Variants in SNTG2 observed in about 807,000 individuals in gnomAD.
SNTG2 encodes syntrophin gamma 2.
In SNTG2, 74 loss-of-function variants were observed where a neutral mutation model predicts 70.9. The observed-to-expected ratio is 1.04, with a 90% CI of 0.86 to 1.27. The LOEUF is 1.27. SNTG2 is among the 50% of genes most tolerant of loss of function. The pLI, the probability that SNTG2 is intolerant of heterozygous loss-of-function variation, is 0.00. For synonymous variants in SNTG2, 278 were observed against 273.8 expected, an observed-to-expected ratio of 1.02 and a Z score of -0.15; for missense variants, 717 against 690.7, an observed-to-expected ratio of 1.04 and a Z score of -0.43.
At chr2:1,138,760 C>T (rs982790888) in intron 6 of SNTG2, among the ~76,000 whole-genome samples, 11 of 152,092 alleles carry the variant, frequency 7.2e-5, no homozygotes, top group Non-Finnish European at 1.5e-4. Context: ...ACTTGTCCCA[C>T]GAAGATTAAT....
chr2:1,023,326 T>C (rs952399596), intron 1 of SNTG2, among the ~76,000 whole-genome samples: 9 of 152,008 alleles, frequency 5.9e-5, no homozygotes, highest in African/African-American at 1.7e-4. Flanking sequence ...GGCTCCAAGA[T>C]TGTGTTTTCT....
intron 4 of SNTG2, among the ~76,000 whole-genome samples, chr2:1,137,119 A>G (rs1001651452): frequency 6.6e-6 from 1 of 152,188 alleles, no homozygotes; most frequent in South Asian, 2.1e-4. Flanking sequence ...TTTCCTTATG[A>G]AGAGGCCAAT....
At chr2:1,340,609 T>C (rs1387274726) in intron 16 of SNTG2, among the ~76,000 whole-genome samples, 1 of 152,238 alleles carries the variant, frequency 6.6e-6, no homozygotes, top group Non-Finnish European at 1.5e-5. Flanking sequence ...GTGCATATGT[T>C]CACAAAAGTG....
At chr2:1,087,315 T>C (rs1664747863) in intron 2 of SNTG2, among the ~76,000 whole-genome samples, 1 of 152,206 alleles carries the variant, frequency 6.6e-6, no homozygotes, top group Non-Finnish European at 1.5e-5. Context: ...GAAGAGTTCG[T>C]GTAGCATGGC....
chr2:979,413 CG>C, intron 1 of SNTG2, among the ~76,000 whole-genome samples: 1 of 152,298 alleles, frequency 6.6e-6, no homozygotes, highest in Admixed American at 6.5e-5. Context: ...TAGGCATCCC[CG>C]GAAGGCAGGG....
chr2:1,192,780 A>T (rs1415769721), intron 8 of SNTG2, among the ~76,000 whole-genome samples: 1 of 152,128 alleles, frequency 6.6e-6, no homozygotes, highest in Non-Finnish European at 1.5e-5. Flanking sequence ...ACCAGCAAAA[A>T]TTGCATTTCA....
At chr2:1,309,841 C>T (rs995078190) in intron 15 of SNTG2, among the ~76,000 whole-genome samples, 1 of 152,238 alleles carries the variant, frequency 6.6e-6, no homozygotes, top group African/African-American at 2.4e-5. Flanking sequence ...ACCCTAAAGT[C>T]ACAGAGTGGG....
intron 4 of SNTG2, among the ~76,000 whole-genome samples, chr2:1,101,186 T>C (rs1665758796): frequency 6.6e-6 from 1 of 152,186 alleles, no homozygotes; most frequent in African/African-American, 2.4e-5. Flanking sequence ...CTCCTGCAGA[T>C]TTCCCACCCA....
At chr2:1,036,166 T>C (rs1437620971) in intron 1 of SNTG2, among the ~76,000 whole-genome samples, 1 of 152,172 alleles carries the variant, frequency 6.6e-6, no homozygotes, top group African/African-American at 2.4e-5. Flanking sequence ...ATATATTTGG[T>C]GTTATTCTTT....
chr2:1,307,861 C>G (rs1680774267), intron 14 of SNTG2, among the ~76,000 whole-genome samples: 1 of 152,242 alleles, frequency 6.6e-6, no homozygotes, highest in African/African-American at 2.4e-5. Context: ...ACCCGGGCTT[C>G]CCCTCAGAAG....
intron 4 of SNTG2, among the ~76,000 whole-genome samples, chr2:1,128,128 TGA>T (rs1667808218): frequency 6.6e-6 from 1 of 151,818 alleles, no homozygotes; most frequent in African/African-American, 2.4e-5. Context: ...ACCTATTTAC[TGA>T]GAGTTTTTGT....
At chr2:1,300,700 TTTGTGTATG>T (rs1680424293) in intron 14 of SNTG2, among the ~76,000 whole-genome samples, 1 of 152,170 alleles carries the variant, frequency 6.6e-6, no homozygotes, top group Non-Finnish European at 1.5e-5. Context: ...CAGCTCTTCA[TTTGTGTATG>T]TTGTCTATGA....
chr2:1,272,249 G>A lies in SNTG2; in HGVS notation c.1284+4678G>A, dbSNP rs564955318. ...GCAACTAGACGGTCCCATCTGGGGGGATGGGAGACAGTGAAAGATCCTCAG... is the reference window on the plus strand; with the variant it reads ...GCAACTAGACGGTCCCATCTGGGGGAATGGGAGACAGTGAAAGATCCTCAG... On this transcript the variant is annotated intron_variant, in intron 14 of 16. Transcript: ENST00000308624. Among the ~76,000 whole-genome samples, 3 of 151,860 alleles carry A rather than the reference G, an allele frequency of 2.0e-5. 1 individual carries two copies. In the East Asian group the frequency reaches 5.8e-4, roughly 29 times the overall value.
chr2:1,324,161 AG>A (rs1476483174), intron 16 of SNTG2, among the ~76,000 whole-genome samples: 1 of 152,186 alleles, frequency 6.6e-6, no homozygotes, highest in African/African-American at 2.4e-5. Context: ...GTAGGCTGAG[AG>A]TTGGCTAACA....
At chr2:1,248,232 C>T (rs1020988589) in intron 12 of SNTG2, among the ~76,000 whole-genome samples, 2 of 152,112 alleles carry the variant, frequency 1.3e-5, no homozygotes, top group African/African-American at 4.8e-5. Context: ...TTTAAGTAAG[C>T]GTTTTACTTG....
At chr2:987,175 C>T (rs1038804360) in intron 1 of SNTG2, among the ~76,000 whole-genome samples, 13 of 152,132 alleles carry the variant, frequency 8.5e-5, no homozygotes, top group African/African-American at 2.9e-4. Context: ...GTCCCGGAAA[C>T]GCTGTAGGAA....
intron 1 of SNTG2, among the ~76,000 whole-genome samples, chr2:984,631 C>A (rs1350832554): frequency 6.6e-6 from 1 of 152,194 alleles, no homozygotes; most frequent in Admixed American, 6.5e-5. Context: ...CAGCTGTGGC[C>A]CTGCCGTCCT....
chr2:955,182 A>C (rs1660102233), intron 1 of SNTG2, among the ~76,000 whole-genome samples: 1 of 152,214 alleles, frequency 6.6e-6, no homozygotes, highest in Admixed American at 6.5e-5. Flanking sequence ...ACTTCTCTGG[A>C]CTTGAAACCT....
At chr2:1,139,104 C>G (rs780288061) in intron 6 of SNTG2, among the ~76,000 whole-genome samples, 16 of 152,212 alleles carry the variant, frequency 1.1e-4, no homozygotes, top group Non-Finnish European at 1.8e-4. Flanking sequence ...TGCTGTTATC[C>G]TTTTGCTTAT....
Sources: gnomAD v4.1 joint callset for allele counts (sites outside exome capture counted in the v4.1 genomes callset) on GRCh38, gnomAD v4.1.1 for gene constraint, MANE v1.5 for transcripts, NCBI Gene and HGNC (gene_info 2026-07-23, HGNC 2026-07-21) for gene names.